The following HSD17B4 variants were observed in gnomAD, a reference collection of about 807,000 sequenced individuals.
HSD17B4 encodes the protein peroxisomal multifunctional enzyme type 2.
In HSD17B4, 70 loss-of-function variants were observed where a neutral mutation model predicts 101.0. The observed-to-expected ratio is 0.69, with a 90% CI of 0.57 to 0.85. The LOEUF (loss-of-function observed/expected upper bound fraction) is 0.85. HSD17B4 is among the 40% of genes least tolerant of loss of function. The pLI, the probability that HSD17B4 is intolerant of heterozygous loss-of-function variation, is 0.00. For synonymous variants in HSD17B4, 347 were observed against 297.1 expected (o/e 1.17, Z -1.73); for missense variants, 984 against 892.4 (o/e 1.10, Z -1.31).
At position 119,514,907 on chromosome 5, in the gene HSD17B4, T is replaced by G. The variant is rs371710184; in HGVS notation, c.1438-74T>G. On this transcript the variant is annotated intron_variant, in intron 16 of 23. Transcript: ENST00000510025. The stretch of plus-strand genomic sequence containing the variant: ...TATTGTATTGAAACATGATTGTGTA[T>G]CAAATGTGAGTTTGGTTAAAGAGAA... 49 of 865,920 alleles carry G rather than the reference T, an allele frequency of 5.7e-5. No individual in the cohort carries two copies. The African/African-American group carries it at 6.3e-4, about 11-fold the overall frequency. 53.6% of individuals were successfully genotyped at this position (865,920 alleles called of 1,614,324 possible).
chr5:119,461,178 A>T (rs1755193117), intron 2 of HSD17B4, among the ~76,000 whole-genome samples: 1 of 152,224 alleles, frequency 6.6e-6, no homozygotes, highest in African/African-American at 2.4e-5. Context: ...TTCTCTCTCA[A>T]CATTTCAGTA....
rs189990345 is a variant in HSD17B4, at chr5:119,509,925, G to C, written c.1437+681G>C. Among the ~76,000 whole-genome samples, 313 of 152,222 alleles carry C rather than the reference G, an allele frequency of 2.1e-3. 1 individual carries two copies. Among genetic ancestry groups the C allele is most frequent in the Middle Eastern group, 0.01 (3 of 294 alleles). ...GGTTTATGTTATTGGTAAGGGTTTTGGTTAACAGTAGGCTATCAGTTGTTA... is the reference window on the plus strand; with the variant it reads ...GGTTTATGTTATTGGTAAGGGTTTTCGTTAACAGTAGGCTATCAGTTGTTA... On this transcript the variant is annotated intron_variant, in intron 16 of 23. Coordinates refer to ENST00000510025, the MANE Select transcript of HSD17B4 (RefSeq NM_000414.4).
intron 11 of HSD17B4, 38 bp downstream of exon 11, chr5:119,493,984 A>C: frequency 1.2e-6 from 2 of 1,609,254 alleles, no homozygotes; most frequent in Non-Finnish European, 1.7e-6. Flanking sequence ...TGGTTGGGGA[A>C]TCAGAGGCAG....
intron 8 of HSD17B4, among the ~76,000 whole-genome samples, chr5:119,483,028 C>T (rs763798369): frequency 6.6e-6 from 1 of 151,966 alleles, no homozygotes; most frequent in African/African-American, 2.4e-5. Context: ...CAGAGCAGGC[C>T]TTAAGTAGAA....
intron 8 of HSD17B4, among the ~76,000 whole-genome samples, chr5:119,481,836 C>G (rs533800312): frequency 6.6e-6 from 1 of 152,168 alleles, no homozygotes. Flanking sequence ...TTTCACATCA[C>G]TTTCCTCTTG....
intron 22 of HSD17B4, among the ~76,000 whole-genome samples, chr5:119,533,925 T>C (rs1257965630): frequency 6.6e-6 from 1 of 152,114 alleles, no homozygotes; most frequent in Non-Finnish European, 1.5e-5. Context: ...GGCCCACAGG[T>C]TTTAAATATG....
chr5:119,459,249 T>G (rs1374154923), intron 2 of HSD17B4, among the ~76,000 whole-genome samples: 1 of 152,220 alleles, frequency 6.6e-6, no homozygotes, highest in Non-Finnish European at 1.5e-5. Context: ...GCTGCCTAAT[T>G]ATATGACCTC....
chr5:119,526,150 A>G lies in HSD17B4; in HGVS notation c.1680+127A>G, dbSNP rs1481761701. The G allele has an allele frequency of 4.4e-6, 3 of 684,640 alleles. No individual in the cohort carries two copies. The African/African-American group carries it at 5.4e-5, about 12-fold the overall frequency. 42.4% of individuals were successfully genotyped at this position (684,640 alleles called of 1,614,324 possible). A position where few individuals can be genotyped will look rare whatever the true frequency, so the allele number is the denominator to read the frequency against. On this transcript the variant is annotated intron_variant, in intron 19 of 23. Coordinates refer to ENST00000510025, the MANE Select transcript of HSD17B4 (RefSeq NM_000414.4). ...CAGCAATGTACATTTTTATTATTTCATTGACCTGGCAATCAGCACACTTTC... is the reference window on the plus strand; with the variant it reads ...CAGCAATGTACATTTTTATTATTTCGTTGACCTGGCAATCAGCACACTTTC...
chr5:119,474,756 G>T (rs575423175), intron 4 of HSD17B4, among the ~76,000 whole-genome samples: 17 of 152,128 alleles, frequency 1.1e-4, no homozygotes, highest in African/African-American at 3.9e-4. Flanking sequence ...ATGTTTATAA[G>T]ATTAAAAAAT....
At chr5:119,531,432 T>G (rs757761403) in intron 22 of HSD17B4, 28 bp downstream of exon 22, 1 of 1,597,742 alleles carries the variant, frequency 6.3e-7, no homozygotes, top group Non-Finnish European at 8.6e-7. Context: ...TTTTATAATA[T>G]TCTAAGGTAA....
intron 8 of HSD17B4, among the ~76,000 whole-genome samples, chr5:119,481,409 G>A (rs1749119099): frequency 6.6e-6 from 1 of 152,054 alleles, no homozygotes; most frequent in Non-Finnish European, 1.5e-5. Context: ...AAGTTCGTTG[G>A]ATACAGAATT....
rs72547237 is a variant in HSD17B4, at chr5:119,481,404, C to T, written c.622+2383C>T. Among the ~76,000 whole-genome samples the T allele has an allele frequency of 1.7e-3, 264 of 152,208 alleles. 6 individuals carry two copies. The South Asian group carries it at 0.048, about 28-fold the overall frequency. On this transcript the variant is annotated intron_variant, in intron 8 of 23. Transcript: ENST00000510025. The stretch of plus-strand genomic sequence containing the variant: ...CTCCTTTACTTTTGAAGGATAAGTT[C>T]GTTGGATACAGAATTCTCTGTTGGT...
chr5:119,535,449 CTT>C (rs1754453081), intron 22 of HSD17B4, among the ~76,000 whole-genome samples: 1 of 151,868 alleles, frequency 6.6e-6, no homozygotes, highest in African/African-American at 2.4e-5. Flanking sequence ...GTTCCTCAGT[CTT>C]TGCTTTTCCC....
chr5:119,524,505 A>G (rs940741382), intron 17 of HSD17B4, among the ~76,000 whole-genome samples: 2 of 152,122 alleles, frequency 1.3e-5, no homozygotes, highest in African/African-American at 2.4e-5. Context: ...TACACTTACT[A>G]TTAGCTGTTT....
intron 17 of HSD17B4, among the ~76,000 whole-genome samples, chr5:119,516,376 G>A (rs563789037): frequency 6.6e-6 from 1 of 152,016 alleles, no homozygotes; most frequent in Non-Finnish European, 1.5e-5. Flanking sequence ...AAATATATCT[G>A]CTACAAATAA....
At position 119,474,363 on chromosome 5, in the gene HSD17B4, G is replaced by A. The variant is rs141917434; in HGVS notation, c.221-38G>A. 1.2e-5 allele frequency: 17 copies of A among 1,363,864 alleles called. No homozygotes were observed. The African/African-American group carries it at 1.7e-4, about 14-fold the overall frequency. 84.5% of individuals were successfully genotyped at this position (1,363,864 alleles called of 1,614,324 possible). A position where few individuals can be genotyped will look rare whatever the true frequency, so the allele number is the denominator to read the frequency against. ...GAATTTAGAAGTCCTTTGGAAGGGA[G>A]GTTGCCGAAATTTCATACAAATTTT... On this transcript the variant is annotated intron_variant, in intron 3 of 23. Coordinates refer to ENST00000510025, the MANE Select transcript of HSD17B4 (RefSeq NM_000414.4).
intron 23 of HSD17B4, among the ~76,000 whole-genome samples, chr5:119,540,672 A>C (rs1261072311): frequency 6.6e-6 from 1 of 152,108 alleles, no homozygotes; most frequent in East Asian, 1.9e-4. Context: ...ATTGTGACTG[A>C]ATGAGCTCTC....
intron 11 of HSD17B4, chr5:119,495,673 T>G (rs988075576): frequency 1.2e-5 from 2 of 168,232 alleles, no homozygotes; most frequent in African/African-American, 4.8e-5. Flanking sequence ...ATTTGGTTAT[T>G]TATTTATTTA....
intron 8 of HSD17B4, among the ~76,000 whole-genome samples, chr5:119,480,808 A>G (rs1749056023): frequency 1.3e-5 from 2 of 152,188 alleles, no homozygotes; most frequent in South Asian, 2.1e-4. Context: ...CGGGGGGGCC[A>G]GTTCAGAGAC....
Sources: allele counts gnomAD v4.1 joint callset (sites outside exome capture counted in the v4.1 genomes callset), GRCh38; gene constraint gnomAD v4.1.1; transcripts MANE v1.5; gene names NCBI Gene and HGNC (gene_info 2026-07-23, HGNC 2026-07-21).